The following ERC2 variants were observed in gnomAD, a reference collection of about 807,000 sequenced individuals.
ERC2 encodes ERC protein 2.
ERC2 carries 42 observed loss-of-function variants against 114.8 expected under a neutral mutation model. The ratio of observed to expected loss-of-function variants is 0.37; its 90% CI spans 0.29 to 0.47. ERC2 has a LOEUF of 0.47. ERC2 is among the 20% of genes least tolerant of loss of function. ERC2 has a pLI of 0.99. For synonymous variants in ERC2, 454 were observed against 425.5 expected (o/e 1.07, Z -0.82); for missense variants, 939 against 1,150.7 (o/e 0.82, Z 2.66).
At chr3:55,646,276 T>C (rs1485958849) in intron 17 of ERC2, among the ~76,000 whole-genome samples, 1 of 152,238 alleles carries the variant, frequency 6.6e-6, no homozygotes, top group Non-Finnish European at 1.5e-5. Flanking sequence ...TTGTTCTTGT[T>C]CGTCATGTCT....
intron 3 of ERC2, among the ~76,000 whole-genome samples, chr3:56,196,846 T>C (rs1309141327): frequency 6.6e-6 from 1 of 152,130 alleles, no homozygotes; most frequent in Non-Finnish European, 1.5e-5. Flanking sequence ...CCCCGCTTTG[T>C]CCTTTCCAAA....
chr3:56,271,014 A>G (rs1334605579), intron 3 of ERC2, among the ~76,000 whole-genome samples: 1 of 152,160 alleles, frequency 6.6e-6, no homozygotes, highest in Non-Finnish European at 1.5e-5. Flanking sequence ...AACAAAAAAA[A>G]CCAGCCTTGT....
At chr3:56,148,195 G>A (rs1032032085) in intron 5 of ERC2, among the ~76,000 whole-genome samples, 1 of 152,160 alleles carries the variant, frequency 6.6e-6, no homozygotes, top group Admixed American at 6.5e-5. Flanking sequence ...AAGAAACTGA[G>A]GCTTAGGGAA....
chr3:56,026,372 G>A lies in ERC2; in HGVS notation c.1642-7341C>T, dbSNP rs17056382. Among the ~76,000 whole-genome samples the A allele has an allele frequency of 4.2e-3, 640 of 152,158 alleles. 6 individuals carry two copies. The highest frequency in any genetic ancestry group is 0.015 in the African/African-American group (606 of 41,544). ...GCCACCTTCCTCCATTTCTTGAACC[G>A]ATCTCCATTCTTAAGCAACATAGGT... On this transcript the variant is annotated intron_variant, in intron 7 of 17. Coordinates refer to ENST00000288221, the MANE Select transcript of ERC2 (RefSeq NM_015576.3).
chr3:55,658,470 G>A (rs1322691338), intron 17 of ERC2: 1 of 152,184 alleles, frequency 6.6e-6, no homozygotes, highest in African/African-American at 2.4e-5. Flanking sequence ...AACTCTGATT[G>A]GCTGGCTTGA....
intron 16 of ERC2, among the ~76,000 whole-genome samples, chr3:55,697,372 C>T (rs1216792694): frequency 6.6e-6 from 1 of 152,188 alleles, no homozygotes; most frequent in Non-Finnish European, 1.5e-5. Context: ...CTAACAGTAG[C>T]AGTGAGAAAC....
At chr3:56,218,778 G>A (rs1204104786) in intron 3 of ERC2, among the ~76,000 whole-genome samples, 1 of 152,142 alleles carries the variant, frequency 6.6e-6, no homozygotes, top group Non-Finnish European at 1.5e-5. Flanking sequence ...AGAAAATGTG[G>A]CACATATACA....
intron 14 of ERC2, among the ~76,000 whole-genome samples, chr3:55,781,895 G>A (rs1015254266): frequency 2.7e-5 from 4 of 147,472 alleles, no homozygotes; most frequent in South Asian, 2.2e-4. Flanking sequence ...AAAAAAAAAC[G>A]GAAAAGGAAG....
At chr3:55,936,680 G>A (rs1170066365) in intron 13 of ERC2, among the ~76,000 whole-genome samples, 1 of 152,164 alleles carries the variant, frequency 6.6e-6, no homozygotes, top group Non-Finnish European at 1.5e-5. Context: ...TTGGAGACTG[G>A]AGTGCTGGAG....
At chr3:55,562,437 G>A (rs1221973341) in intron 17 of ERC2, among the ~76,000 whole-genome samples, 1 of 151,076 alleles carries the variant, frequency 6.6e-6, no homozygotes, top group South Asian at 2.1e-4. Flanking sequence ...ACAGGCATGA[G>A]CCACTGTGCC....
intron 6 of ERC2, among the ~76,000 whole-genome samples, chr3:56,101,635 G>C (rs1015256310): frequency 1.3e-5 from 2 of 152,132 alleles, no homozygotes; most frequent in African/African-American, 4.8e-5. Context: ...CCCAGAAACT[G>C]AAGGACCTGA....
At chr3:55,645,429 T>C (rs770187712) in intron 17 of ERC2, among the ~76,000 whole-genome samples, 5 of 152,242 alleles carry the variant, frequency 3.3e-5, no homozygotes, top group Admixed American at 2.0e-4. Flanking sequence ...TTTGAAGCCC[T>C]TGGGCTGTCA....
rs148028010 is a variant in ERC2, at chr3:55,744,004, G to A, written c.2565-9086C>T. 4.5e-4 allele frequency among the ~76,000 whole-genome samples: 68 copies of A among 152,322 alleles called. No individual in the cohort carries two copies. In the East Asian group the frequency reaches 0.012, roughly 26 times the overall value. ...ATGCCTAAGTAACAAAAGGACCAAA[G>A]GTTACTCCGTTTGCAAACTCCCACC... On this transcript the variant is annotated intron_variant, in intron 14 of 17. Transcript: ENST00000288221.
chr3:55,746,104 A>G (rs1381866405), intron 14 of ERC2, among the ~76,000 whole-genome samples: 3 of 152,232 alleles, frequency 2.0e-5, no homozygotes, highest in African/African-American at 7.2e-5. Flanking sequence ...GAACATTCCC[A>G]CAGGCTAAAT....
chr3:56,416,479 G>A (rs2061160191), intron 2 of ERC2, among the ~76,000 whole-genome samples: 1 of 151,886 alleles, frequency 6.6e-6, no homozygotes, highest in Admixed American at 6.6e-5. Flanking sequence ...TAACCTCCTT[G>A]TGAGAAGAGT....
At chr3:56,030,936 AC>A (rs1301222377) in intron 7 of ERC2, among the ~76,000 whole-genome samples, 3 of 152,152 alleles carry the variant, frequency 2.0e-5, no homozygotes, top group African/African-American at 7.2e-5. Flanking sequence ...TGAAATGAGC[AC>A]CTGACTTTGC....
chr3:55,955,248 T>TTGTGTGTGTGTG (rs60633794), intron 12 of ERC2: 77 of 360,800 alleles, frequency 2.1e-4, no homozygotes, highest in African/African-American at 1.4e-3. Context: ...GGTGGTGTGT[T>TTGTGTGTGTGTG]TGTGTGTGTG....
chr3:56,467,601 A>G (rs1253404304), intron 1 of ERC2, among the ~76,000 whole-genome samples: 2 of 151,348 alleles, frequency 1.3e-5, no homozygotes, highest in African/African-American at 4.9e-5. Context: ...CTTTTTTTGT[A>G]TAATTAGGAG....
chr3:55,625,260 G>A (rs954560427), intron 17 of ERC2, among the ~76,000 whole-genome samples: 2 of 151,828 alleles, frequency 1.3e-5, no homozygotes, highest in African/African-American at 4.8e-5. Context: ...CCAGCTACTT[G>A]GAAGGCTGAG....
Sources: gnomAD v4.1 joint callset for allele counts (sites outside exome capture counted in the v4.1 genomes callset) on GRCh38, gnomAD v4.1.1 for gene constraint, MANE v1.5 for transcripts, NCBI Gene and HGNC (gene_info 2026-07-23, HGNC 2026-07-21) for gene names.